MAGI1: variants seen among roughly 807,000 people sequenced by gnomAD.
MAGI1 encodes membrane-associated guanylate kinase, WW and PDZ domain-containing protein 1.
A neutral mutation model predicts 139.9 loss-of-function variants in MAGI1; 58 were observed. The ratio of observed to expected loss-of-function variants is 0.41; its 90% CI spans 0.34 to 0.52. The LOEUF (loss-of-function observed/expected upper bound fraction) is 0.52, where lower values mean the gene tolerates loss of function less well. MAGI1 is among the 20% of genes least tolerant of loss of function. The pLI, the probability that MAGI1 is intolerant of heterozygous loss-of-function variation, is 0.12. For missense variants in MAGI1, 1,874 were observed against 1,901.6 expected, an observed-to-expected ratio of 0.99 and a Z score of 0.27; for synonymous variants, 812 against 737.9, an observed-to-expected ratio of 1.10 and a Z score of -1.63.
Position 65,375,857 on chromosome 3 carries a change from G to T in MAGI1, c.3084C>A (p.Asp1028Glu). 6.2e-7 allele frequency: 1 copy of T among 1,614,114 alleles called. No homozygotes were observed. Among genetic ancestry groups the T allele is most frequent in the Non-Finnish European group, 8.5e-7 (1 of 1,180,008 alleles). ...ADRCGKLKVG[D>E]RILAVNGCSI... ...AACATCCATTTACTGCCAAGATCCG[G>T]TCTCCTACTTTCAGCTTGCCACAGC... is the stretch of plus-strand genomic sequence containing the variant. Residue 1028 changes from aspartate (D) to glutamate (E), a missense_variant, in exon 18 of 23, where the codon GAC becomes GAA. Transcript: ENST00000402939.
intron 1 of MAGI1, among the ~76,000 whole-genome samples, chr3:65,891,245 A>G (rs549578460): frequency 4.9e-4 from 74 of 152,146 alleles, no homozygotes; most frequent in Middle Eastern, 3.4e-3. Context: ...AAAGAAACCA[A>G]TAACAAGAAG....
intron 9 of MAGI1, among the ~76,000 whole-genome samples, chr3:65,438,640 C>T (rs1281302824): frequency 6.6e-6 from 1 of 152,200 alleles, no homozygotes; most frequent in Admixed American, 6.5e-5. Flanking sequence ...CAGTGGTTGG[C>T]AAACTATGGC....
intron 2 of MAGI1, among the ~76,000 whole-genome samples, chr3:65,540,285 A>C (rs2079150562): frequency 6.6e-6 from 1 of 152,004 alleles, no homozygotes; most frequent in South Asian, 2.1e-4. Flanking sequence ...ATTACATCAA[A>C]CCCCTTTATT....
intron 1 of MAGI1, among the ~76,000 whole-genome samples, chr3:65,795,236 T>C (rs2040046819): frequency 6.6e-6 from 1 of 152,218 alleles, no homozygotes. Context: ...AATACACAAA[T>C]GTTCATAGCA....
chr3:65,581,654 T>A (rs2081430083), intron 2 of MAGI1, among the ~76,000 whole-genome samples: 1 of 152,108 alleles, frequency 6.6e-6, no homozygotes, highest in Non-Finnish European at 1.5e-5. Context: ...CTCCACTCTA[T>A]CTCTTGCACA....
chr3:65,375,334 G>A (rs1575553624), intron 18 of MAGI1, among the ~76,000 whole-genome samples: 1 of 151,978 alleles, frequency 6.6e-6, no homozygotes, highest in South Asian at 2.1e-4. Flanking sequence ...GACTACAGGC[G>A]CCCGCCACCG....
At chr3:65,612,070 CAT>C (rs1236608351) in intron 2 of MAGI1, among the ~76,000 whole-genome samples, 3 of 152,016 alleles carry the variant, frequency 2.0e-5, no homozygotes, top group African/African-American at 7.2e-5. Flanking sequence ...GATCTATCAA[CAT>C]AGTAACAAAA....
At chr3:65,806,339 G>A (rs1004662246) in intron 1 of MAGI1, among the ~76,000 whole-genome samples, 4 of 151,866 alleles carry the variant, frequency 2.6e-5, no homozygotes, top group Admixed American at 6.6e-5. Flanking sequence ...TGAGGCAAGA[G>A]AATCCTTTGA....
intron 2 of MAGI1, among the ~76,000 whole-genome samples, chr3:65,600,833 A>G (rs2082448965): frequency 6.6e-6 from 1 of 152,222 alleles, no homozygotes; most frequent in African/African-American, 2.4e-5. Flanking sequence ...TGCTGTGGAA[A>G]AGTGACCACT....
rs75283942 is a variant in MAGI1, at chr3:65,868,148, G to A, written c.313+169848C>T. ...TACCACAGCCTCTCCTCTGGCCTAG[G>A]TTCCAGTTACCTTTAAGAAACTAAC... is the stretch of plus-strand genomic sequence containing the variant. On this transcript the variant is annotated intron_variant, in intron 1 of 22. Transcript: ENST00000402939. Among the ~76,000 whole-genome samples, 228 of 152,220 alleles carry A rather than the reference G, an allele frequency of 1.5e-3. 3 individuals carry two copies. Among genetic ancestry groups the A allele is most frequent in the Admixed American group, 2.8e-3 (43 of 15,290 alleles).
chr3:65,365,059 A>AT (rs768739973), intron 18 of MAGI1, 113 bp from the exon 19 acceptor site: 1 of 851,584 alleles, frequency 1.2e-6, no homozygotes, highest in Admixed American at 1.7e-5. Flanking sequence ...CTCTGTCCCC[A>AT]TTTCAAGCAG....
chr3:65,591,512 G>T (rs2081963442), intron 2 of MAGI1, among the ~76,000 whole-genome samples: 1 of 152,044 alleles, frequency 6.6e-6, no homozygotes, highest in African/African-American at 2.4e-5. Context: ...AGTGCTCTCT[G>T]CTTCCGCTCC....
intron 12 of MAGI1, among the ~76,000 whole-genome samples, chr3:65,416,340 G>T (rs1466844049): frequency 1.3e-5 from 2 of 152,156 alleles, no homozygotes; most frequent in Non-Finnish European, 2.9e-5. Context: ...CAGCTTCATA[G>T]TTATTATGAC....
rs148485781 is a variant in MAGI1 at position 65,602,477 on chromosome 3, T to G, written c.430+19495A>C. On this transcript the variant is annotated intron_variant, in intron 2 of 22. Coordinates refer to ENST00000402939, the MANE Select transcript of MAGI1 (RefSeq NM_001033057.2). ...TGTGTTATTCCATTTATATGAAATCTACACCATAGGTGAATGTATAGAGAC... is the reference window on the plus strand; with the variant it reads ...TGTGTTATTCCATTTATATGAAATCGACACCATAGGTGAATGTATAGAGAC... 6.2e-3 allele frequency among the ~76,000 whole-genome samples: 942 copies of G among 152,254 alleles called. 11 individuals are homozygous for G. Among genetic ancestry groups the G allele is most frequent in the African/African-American group, 0.022 (906 of 41,558 alleles).
intron 1 of MAGI1, among the ~76,000 whole-genome samples, chr3:65,896,938 G>T (rs868594725): frequency 1.5e-4 from 23 of 152,080 alleles, no homozygotes; most frequent in Non-Finnish European, 7.4e-5. Context: ...CTCCATATCC[G>T]AGAAAAATTG....
intron 22 of MAGI1, among the ~76,000 whole-genome samples, chr3:65,358,169 C>T (rs776103862): frequency 2.6e-5 from 4 of 152,066 alleles, no homozygotes; most frequent in Non-Finnish European, 4.4e-5. Flanking sequence ...TATCATTATT[C>T]AATATTTGAA....
At chr3:65,733,385 C>A (rs1033663317) in intron 1 of MAGI1, among the ~76,000 whole-genome samples, 2 of 152,012 alleles carry the variant, frequency 1.3e-5, no homozygotes, top group Non-Finnish European at 2.9e-5. Flanking sequence ...AAATGAAAAG[C>A]CAGAAAATTA....
chr3:65,863,700 T>C (rs750473745), intron 1 of MAGI1, among the ~76,000 whole-genome samples: 1 of 152,112 alleles, frequency 6.6e-6, no homozygotes, highest in Non-Finnish European at 1.5e-5. Flanking sequence ...CTCTAATCCA[T>C]CCATCAAAAT....
intron 1 of MAGI1, among the ~76,000 whole-genome samples, chr3:66,031,844 G>A (rs1427950912): frequency 6.6e-6 from 1 of 151,650 alleles, no homozygotes; most frequent in African/African-American, 2.4e-5. Flanking sequence ...TCATTTTTAG[G>A]CATGAGGACA....
Sources: gnomAD v4.1 joint callset for allele counts (sites outside exome capture counted in the v4.1 genomes callset) on GRCh38, gnomAD v4.1.1 for gene constraint, MANE v1.5 for transcripts, NCBI Gene and HGNC (gene_info 2026-07-23, HGNC 2026-07-21) for gene names.